Variants in BMS1 observed in about 807,000 individuals in gnomAD.
BMS1 encodes the protein ribosome biogenesis protein BMS1 homolog.
BMS1 carries 53 observed loss-of-function variants against 138.7 expected under a neutral mutation model. That is an observed-to-expected ratio of 0.38 (90% CI 0.31 to 0.48). The LOEUF is 0.48. Among genes scored for constraint, BMS1 ranks in the 20% least tolerant of loss-of-function variants. The pLI is 0.97. For synonymous variants in BMS1, 504 were observed against 539.9 expected, an observed-to-expected ratio of 0.93 and a Z score of 0.92; for missense variants, 1,360 against 1,565.5, an observed-to-expected ratio of 0.87 and a Z score of 2.22.
rs939125537 is a variant in BMS1 at position 42,798,615 on chromosome 10, A to G, written c.2237A>G (p.Asp746Gly). 1.2e-6 allele frequency: 2 copies of G among 1,614,184 alleles called. No homozygotes were observed. The highest frequency in any genetic ancestry group is 1.7e-6 in the Non-Finnish European group (2 of 1,180,018). The stretch of plus-strand genomic sequence containing the variant: ...CTTGTGGAGGCCCCCCATGACTGGG[A>G]TTTAGAGGAGGTAAGTCTGGGTAGT... Reference protein sequence around the residue: ...RFLVEAPHDWDLEEVMNSIRD... With the variant: ...RFLVEAPHDWGLEEVMNSIRD... Residue 746 changes from aspartate (D) to glycine (G), a missense_variant, in exon 12 of 23, where the codon GAT becomes GGT. This residue lies in a region of BMS1 where 697 missense variants were observed against 686.2 expected (regional missense o/e 1.02). Coordinates refer to ENST00000374518, the MANE Select transcript of BMS1 (RefSeq NM_014753.4).
At position 42,808,616 on chromosome 10, in the gene BMS1, A is replaced by G. The variant is rs187251752; in HGVS notation, c.2329+6398A>G. On this transcript the variant is annotated intron_variant, in intron 13 of 22. Transcript: ENST00000374518. Reference sequence around the variant, plus strand: ...GTCGGGCCAAAAGTTTTTATTTTTGATGAAATCCGATTTACCAGTTTTTTA... The same window carrying G: ...GTCGGGCCAAAAGTTTTTATTTTTGGTGAAATCCGATTTACCAGTTTTTTA... Among the ~76,000 whole-genome samples the G allele has an allele frequency of 5.9e-3, 905 of 152,130 alleles. 3 individuals are homozygous for G. The highest frequency in any genetic ancestry group is 0.021 in the African/African-American group (859 of 41,502).
intron 21 of BMS1, among the ~76,000 whole-genome samples, chr10:42,826,978 C>T (rs956774378): frequency 1.3e-5 from 2 of 152,154 alleles, no homozygotes; most frequent in African/African-American, 4.8e-5. Context: ...TTGTTCCCAC[C>T]AGCACTCATG....
At chr10:42,816,299 C>T (rs1842347883) in intron 13 of BMS1, among the ~76,000 whole-genome samples, 2 of 151,188 alleles carry the variant, frequency 1.3e-5, no homozygotes, top group African/African-American at 2.4e-5. Flanking sequence ...ACTCTGTCTC[C>T]AAAAATAAAA....
Position 42,823,657 on chromosome 10 carries a change from A to G in BMS1, c.3329A>G (p.Tyr1110Cys). ...TWYPVSIPAF[Y>C]NPVTSLLKPV... ...TATCCTGTTTCCATCCCAGCGTTCT[A>G]TAACCCAGTAACATCTTTGTTGAAA... Residue 1110 changes from tyrosine to cysteine, a missense_variant, in exon 21 of 23, where the codon TAT (tyrosine) becomes TGT (cysteine). Tyr to Cys is a radical substitution (Grantham distance 194). Transcript: ENST00000374518. 1 of 1,595,326 alleles carries G rather than the reference A, an allele frequency of 6.3e-7. No homozygotes were observed. The highest frequency in any genetic ancestry group is 8.5e-7 in the Non-Finnish European group (1 of 1,179,278).
chr10:42,801,806 C>T (rs1205513136), intron 12 of BMS1, among the ~76,000 whole-genome samples: 1 of 152,178 alleles, frequency 6.6e-6, no homozygotes, highest in Non-Finnish European at 1.5e-5. Context: ...AATAGCAAGA[C>T]CAACTTTGTA....
At chr10:42,798,143 G>T (rs191326163) in intron 11 of BMS1, among the ~76,000 whole-genome samples, 40 of 152,276 alleles carry the variant, frequency 2.6e-4, no homozygotes, top group African/African-American at 7.9e-4. Context: ...ACTCTTTAGA[G>T]CTCTTCTTTA....
intron 13 of BMS1, among the ~76,000 whole-genome samples, chr10:42,814,857 A>G (rs11239784): frequency 0.47 from 71,625 of 151,724 alleles, 17,607 homozygotes; most frequent in East Asian, 0.63. Flanking sequence ...TTTTCTTGTT[A>G]TGGGGAAGAT....
intron 13 of BMS1, among the ~76,000 whole-genome samples, chr10:42,808,359 C>A (rs563211840): frequency 6.6e-6 from 1 of 151,384 alleles, no homozygotes; most frequent in African/African-American, 2.4e-5. Flanking sequence ...AGTGCAGTGG[C>A]GCGATCTCCA....
chr10:42,787,337 A>G, intron 4 of BMS1, 90 bp downstream of exon 4: 2 of 1,000,510 alleles, frequency 2.0e-6, no homozygotes, highest in South Asian at 1.3e-5. Context: ...AGAGAGTCTT[A>G]TAATTATTAA....
At chr10:42,826,237 T>TGTGTGTG (rs1554799887) in intron 21 of BMS1, among the ~76,000 whole-genome samples, 2 of 145,648 alleles carry the variant, frequency 1.4e-5, no homozygotes, top group Non-Finnish European at 3.0e-5. Flanking sequence ...TTTTTGTTTG[T>TGTGTGTG]TGTGTGTGTG....
intron 4 of BMS1, among the ~76,000 whole-genome samples, chr10:42,790,082 G>A (rs1013710345): frequency 1.3e-5 from 2 of 152,176 alleles, no homozygotes; most frequent in African/African-American, 2.4e-5. Flanking sequence ...TCCGTCCAGG[G>A]CCAGGTAGTA....
At chr10:42,790,885 GTC>G (rs1209520459) in intron 5 of BMS1, among the ~76,000 whole-genome samples, 1 of 152,044 alleles carries the variant, frequency 6.6e-6, no homozygotes, top group Non-Finnish European at 1.5e-5. Context: ...ATTACTAAAC[GTC>G]TCTCTAGGAT....
intron 2 of BMS1, among the ~76,000 whole-genome samples, 162 bp downstream of exon 2, chr10:42,784,732 A>G (rs1841271376): frequency 1.3e-5 from 2 of 152,228 alleles, no homozygotes; most frequent in African/African-American, 4.8e-5. Flanking sequence ...CTTTTCCCAT[A>G]GAAGCTGCCT....
intron 2 of BMS1, among the ~76,000 whole-genome samples, chr10:42,785,002 C>T (rs1841281416): frequency 6.6e-6 from 1 of 152,124 alleles, no homozygotes; most frequent in Non-Finnish European, 1.5e-5. Flanking sequence ...GCAGCCTTAC[C>T]AGAGTAGGAA....
intron 13 of BMS1, among the ~76,000 whole-genome samples, chr10:42,806,863 T>TACAA (rs1325510765): frequency 6.9e-6 from 1 of 144,660 alleles, no homozygotes; most frequent in Non-Finnish European, 1.5e-5. Context: ...TAAGAACAAA[T>TACAA]ACAGAGAAAA....
rs557727609 is a variant in BMS1 at position 42,813,756 on chromosome 10, G to C, written c.2330-2843G>C. ...TTTTGTTTTAATTTTTTGTATTGTG[G>C]AAATGACAGAACATATTTCTGTAGC... On this transcript the variant is annotated intron_variant, in intron 13 of 22. Coordinates refer to ENST00000374518, the MANE Select transcript of BMS1 (RefSeq NM_014753.4). 4.6e-5 allele frequency among the ~76,000 whole-genome samples: 7 copies of C among 152,096 alleles called. 1 individual carries two copies. The South Asian group carries it at 1.5e-3, about 32-fold the overall frequency.
At position 42,793,864 on chromosome 10, in the gene BMS1, C is replaced by A. The variant is rs777581790; in HGVS notation, c.1102C>A (p.Pro368Thr). The A allele has an allele frequency of 6.2e-7, 1 of 1,611,332 alleles. No homozygotes were observed. Among genetic ancestry groups the A allele is most frequent in the East Asian group, 2.2e-5 (1 of 44,846 alleles). Reference protein sequence around the residue: ...GSHVFQDEVGPTHELVQSLIS... With the variant: ...GSHVFQDEVGTTHELVQSLIS... ...GTGGTCTTGACAGGATGAAGTGGGG[C>A]CCACCCATGAGCTGGTCCAGAGTCT... Residue 368 changes from proline to threonine, a missense_variant, in exon 9 of 23, where the codon CCC (proline) becomes ACC (threonine). By Grantham distance (38) the Pro-to-Thr change is conservative. This residue lies in a region of BMS1 where 697 missense variants were observed against 686.2 expected (regional missense o/e 1.02). Transcript: ENST00000374518.
Position 42,820,974 on chromosome 10 carries a change from G to A in BMS1, c.2991G>A (p.Gln997=). The A allele has an allele frequency of 6.3e-7, 1 of 1,594,686 alleles. No homozygotes were observed. ...TPQGTGFLAI[Q]SVSGIMPDFR... is the part of the protein sequence containing the mutation. Reference sequence around the variant, plus strand: ...AGGGAACTGGTTTCTTGGCAATACAGTCTGTCAGTGGCATAATGGTAACTA... The same window carrying A: ...AGGGAACTGGTTTCTTGGCAATACAATCTGTCAGTGGCATAATGGTAACTA... Residue 997 remains glutamine (Q), a synonymous_variant, in exon 18 of 23, where the codon CAG becomes CAA. Coordinates refer to ENST00000374518, the MANE Select transcript of BMS1 (RefSeq NM_014753.4).
At chr10:42,790,202 A>G (rs1395271321) in intron 4 of BMS1, 121 bp from the exon 5 acceptor site, 26 of 896,272 alleles carry the variant, frequency 2.9e-5, no homozygotes, top group Middle Eastern at 7.0e-4. Context: ...CTATGTTCCA[A>G]TAAAACTTTA....
Sources: allele counts gnomAD v4.1 joint callset (sites outside exome capture counted in the v4.1 genomes callset), GRCh38; gene constraint gnomAD v4.1.1; regional missense constraint gnomAD v4.1.1; transcripts MANE v1.5; gene names NCBI Gene and HGNC (gene_info 2026-07-23, HGNC 2026-07-21).